Variants in ENPP3 observed in about 807,000 individuals in gnomAD.
ENPP3 encodes ectonucleotide pyrophosphatase/phosphodiesterase family member 3.
A neutral mutation model predicts 117.8 loss-of-function variants in ENPP3; 104 were observed. That is an observed-to-expected ratio of 0.88 (90% CI 0.75 to 1.04). The LOEUF (loss-of-function observed/expected upper bound fraction) is 1.04, where lower values mean the gene tolerates loss of function less well. ENPP3 is among the 50% of genes least tolerant of loss of function. The pLI, the probability that ENPP3 is intolerant of heterozygous loss-of-function variation, is 0.00. For synonymous variants in ENPP3, 380 were observed against 349.9 expected, an observed-to-expected ratio of 1.09 and a Z score of -0.96; for missense variants, 1,026 against 1,051.9, an observed-to-expected ratio of 0.98 and a Z score of 0.34.
chr6:131,720,407 C>A, intron 17 of ENPP3, 28 bp downstream of exon 17: 1 of 1,144,686 alleles, frequency 8.7e-7, no homozygotes, highest in Non-Finnish European at 1.3e-6. Context: ...AGTTCGCCAA[C>A]AAAATATGGA....
chr6:131,643,941 G>GAC (rs1193490188), intron 2 of ENPP3, among the ~76,000 whole-genome samples: 1 of 126,848 alleles, frequency 7.9e-6, no homozygotes, highest in African/African-American at 3.4e-5. Flanking sequence ...GTGTGTGTGT[G>GAC]TCTGTGTGTG....
In ENPP3 at chr6:131,746,909, A is replaced by G. The variant is rs1332847862; in HGVS notation, c.2581A>G (p.Ile861Val). The change falls in exon 25 of 25, where the codon ATT becomes GTT. Residue 861 changes from isoleucine to valine, a missense_variant. Physicochemically the swap from Ile to Val is conservative, Grantham distance 29 (BLOSUM62 3). Transcript: ENST00000357639. ...GGATAAAGTGCAGCCTGTCTCTGAA[A>G]TTTTGCAACTAAAGACATATTTACC... Reference protein sequence around the residue: ...YQDKVQPVSEILQLKTYLPTF... With the variant: ...YQDKVQPVSEVLQLKTYLPTF... 6.2e-7 allele frequency: 1 copy of G among 1,611,306 alleles called. No homozygotes were observed. The highest frequency in any genetic ancestry group is 2.2e-5 in the East Asian group (1 of 44,766).
intron 18 of ENPP3, 51 bp from the exon 19 acceptor site, chr6:131,723,989 T>C (rs748257432): frequency 7.5e-7 from 1 of 1,329,104 alleles, no homozygotes; most frequent in Non-Finnish European, 1.1e-6. Context: ...AAAACACATA[T>C]TGTTGCTTTG....
chr6:131,640,995 A>C (rs1056321763), intron 1 of ENPP3, among the ~76,000 whole-genome samples: 1 of 152,164 alleles, frequency 6.6e-6, no homozygotes, highest in African/African-American at 2.4e-5. Context: ...TATGTTAAAT[A>C]TTATTATCAT....
chr6:131,732,425 T>G (rs1177374873), intron 20 of ENPP3, among the ~76,000 whole-genome samples: 1 of 152,164 alleles, frequency 6.6e-6, no homozygotes, highest in Non-Finnish European at 1.5e-5. Flanking sequence ...ATTATTATTA[T>G]TTTTTAAGAC....
chr6:131,658,096 G>A (rs538910815), intron 5 of ENPP3, among the ~76,000 whole-genome samples: 1 of 151,376 alleles, frequency 6.6e-6, no homozygotes, highest in Admixed American at 6.6e-5. Context: ...GGAGGTGGCA[G>A]TGAGCTGAGA....
Position 131,740,306 on chromosome 6 carries a change from G to C in ENPP3, c.2383G>C (p.Glu795Gln). ...TTGTAAAAACAAGAGCCACACACCG[G>C]AAAACTGCCCTGGGTGGCTGGATGT... The part of the protein sequence containing the change: ...TSCKNKSHTP[E>Q]NCPGWLDVLP... Residue 795 changes from glutamate (E) to glutamine (Q), a missense_variant, in exon 24 of 25, where the codon GAA becomes CAA. By Grantham distance (29) the Glu-to-Gln change is conservative. Transcript: ENST00000357639. 6.2e-7 allele frequency: 1 copy of C among 1,613,254 alleles called. No homozygotes were observed. Among genetic ancestry groups the C allele is most frequent in the Non-Finnish European group, 8.5e-7 (1 of 1,179,564 alleles).
chr6:131,739,776 A>G (rs1780486570), intron 23 of ENPP3, among the ~76,000 whole-genome samples: 1 of 151,868 alleles, frequency 6.6e-6, no homozygotes, highest in African/African-American at 2.4e-5. Context: ...AAAACTATAT[A>G]AAGACATTTA....
chr6:131,670,164 C>T (rs1243664744), intron 6 of ENPP3, among the ~76,000 whole-genome samples: 1 of 152,192 alleles, frequency 6.6e-6, no homozygotes, highest in African/African-American at 2.4e-5. Flanking sequence ...GGAAACTGTA[C>T]TAAAAGTAAG....
chr6:131,721,041 G>C (rs1780008238), intron 17 of ENPP3, among the ~76,000 whole-genome samples: 2 of 152,116 alleles, frequency 1.3e-5, no homozygotes, highest in Admixed American at 6.6e-5. Flanking sequence ...TGTAATTACA[G>C]AGAGAAGCTC....
At chr6:131,677,074 A>AAAATG (rs1778885095) in intron 10 of ENPP3, among the ~76,000 whole-genome samples, 2 of 152,046 alleles carry the variant, frequency 1.3e-5, no homozygotes, top group African/African-American at 4.8e-5. Context: ...TGTCTCTAAA[A>AAAATG]AAATGTAAAG....
chr6:131,659,411 C>T (rs1440305106), intron 6 of ENPP3, among the ~76,000 whole-genome samples: 1 of 152,202 alleles, frequency 6.6e-6, no homozygotes, highest in Non-Finnish European at 1.5e-5. Flanking sequence ...CAATTCCTCT[C>T]TTTCTTCTCC....
chr6:131,736,985 G>T (rs879386947), intron 21 of ENPP3, among the ~76,000 whole-genome samples: 3 of 152,056 alleles, frequency 2.0e-5, no homozygotes, highest in Admixed American at 2.0e-4. Flanking sequence ...TCTCCCCTGT[G>T]TTTCTCCTCT....
chr6:131,720,531 A>G, intron 17 of ENPP3, 152 bp downstream of exon 17: 1 of 497,236 alleles, frequency 2.0e-6, no homozygotes, highest in Non-Finnish European at 3.5e-6. Context: ...TTCATTATTC[A>G]GAATTATTCA....
intron 2 of ENPP3, among the ~76,000 whole-genome samples, chr6:131,645,635 G>A (rs1382428558): frequency 3.9e-5 from 6 of 152,162 alleles, no homozygotes; most frequent in Admixed American, 1.3e-4. Context: ...ATGTAAAGAC[G>A]CATCATTCTA....
intron 11 of ENPP3, among the ~76,000 whole-genome samples, chr6:131,682,494 T>C (rs1298109078): frequency 6.6e-6 from 1 of 152,110 alleles, no homozygotes; most frequent in Non-Finnish European, 1.5e-5. Context: ...ACCCTGTCCC[T>C]AAAAATAAAT....
At chr6:131,639,869 A>G (rs1014955252) in intron 1 of ENPP3, among the ~76,000 whole-genome samples, 1 of 152,112 alleles carries the variant, frequency 6.6e-6, no homozygotes, top group Non-Finnish European at 1.5e-5. Context: ...GCTAGTGCCT[A>G]TAATCCCAGC....
intron 22 of ENPP3, 40 bp downstream of exon 22, chr6:131,737,472 G>C (rs1562482730): frequency 8.7e-7 from 1 of 1,145,524 alleles, no homozygotes; most frequent in Non-Finnish European, 1.3e-6. Flanking sequence ...AAATAGTTAA[G>C]TGACTCCTTG....
intron 21 of ENPP3, among the ~76,000 whole-genome samples, chr6:131,736,289 G>T (rs1780395531): frequency 6.6e-6 from 1 of 152,172 alleles, no homozygotes; most frequent in Non-Finnish European, 1.5e-5. Flanking sequence ...GCTAATAAAG[G>T]CATACCTGAG....
Sources: allele counts gnomAD v4.1 joint callset (sites outside exome capture counted in the v4.1 genomes callset), GRCh38; gene constraint gnomAD v4.1.1; transcripts MANE v1.5; gene names NCBI Gene and HGNC (gene_info 2026-07-23, HGNC 2026-07-21).